SHF: variants seen among roughly 807,000 people sequenced by gnomAD.
SHF encodes the protein Src homology 2 domain containing F, also known as SH2 domain-containing adapter protein F.
Under a neutral mutation model 42.4 loss-of-function variants are expected in SHF, and 30 were observed. The observed-to-expected ratio is 0.71, with a 90% CI of 0.53 to 0.96. SHF has a LOEUF of 0.96. Ranked by LOEUF, SHF falls within the 40% of genes least tolerant of loss-of-function variation. The pLI is 0.00. For synonymous variants in SHF, 264 were observed against 269.9 expected, an observed-to-expected ratio of 0.98 and a Z score of 0.21; for missense variants, 598 against 634.0, an observed-to-expected ratio of 0.94 and a Z score of 0.61.
At chr15:45,198,764 C>T (rs1480448011) in intron 2 of SHF, 1 of 1,605,016 alleles carries the variant, frequency 6.2e-7, no homozygotes, top group East Asian at 2.2e-5. Context: ...ATTAAATGGC[C>T]TACTTACGGG....
chr15:45,172,104 G>C, intron 5 of SHF, 43 bp downstream of exon 5: 1 of 1,613,914 alleles, frequency 6.2e-7, no homozygotes, highest in Non-Finnish European at 8.5e-7. Flanking sequence ...TGCCAGGAGG[G>C]GAGGAGTGGG....
upstream of SHF, among the ~76,000 whole-genome samples, chr15:45,188,985 G>A (rs1595641975): frequency 6.6e-6 from 1 of 152,204 alleles, no homozygotes; most frequent in Non-Finnish European, 1.5e-5. Context: ...GAGGTCAGGA[G>A]ATCGAGACCA....
chr15:45,198,635 C>G lies in SHF; in HGVS notation c.303+137G>C, dbSNP rs551535377. On this transcript the variant is annotated intron_variant, in intron 2 of 7. Coordinates refer to the SHF transcript ENST00000290894. ...GTGACTCGGATTCGAACCGAGGTTG[C>G]TGCGGCCACAACGCAGAGTACTAAC... 1.5e-5 allele frequency: 17 copies of G among 1,112,656 alleles called. No homozygotes were observed. In the Admixed American group the frequency reaches 3.7e-4, roughly 24 times the overall value. 68.9% of individuals were successfully genotyped at this position (1,112,656 alleles called of 1,614,324 possible).
intron 2 of SHF, among the ~76,000 whole-genome samples, chr15:45,194,250 G>A (rs984567484): frequency 6.6e-6 from 1 of 151,666 alleles, no homozygotes; most frequent in African/African-American, 2.4e-5. Context: ...AATTCAACAT[G>A]ATATAATCCA....
At chr15:45,171,774 T>G in intron 6 of SHF, 109 bp downstream of exon 6, 2 of 1,185,296 alleles carry the variant, frequency 1.7e-6, no homozygotes, top group Non-Finnish European at 2.4e-6. Flanking sequence ...TGCCTGGGGA[T>G]TGTTCATGGG....
At chr15:45,185,923 G>A (rs1898371506) in intron 1 of SHF, among the ~76,000 whole-genome samples, 1 of 152,240 alleles carries the variant, frequency 6.6e-6, no homozygotes, top group Non-Finnish European at 1.5e-5. Context: ...AGAAGACATG[G>A]TCTGTGTCCT....
At chr15:45,196,493 A>T (rs1898866178) in intron 2 of SHF, among the ~76,000 whole-genome samples, 1 of 152,226 alleles carries the variant, frequency 6.6e-6, no homozygotes, top group Non-Finnish European at 1.5e-5. Context: ...GACTGGTTTC[A>T]GATGAGGCTA....
chr15:45,169,153 G>A (rs1897350158), intron 6 of SHF, among the ~76,000 whole-genome samples: 2 of 152,174 alleles, frequency 1.3e-5, no homozygotes, highest in Non-Finnish European at 2.9e-5. Flanking sequence ...GAACCAGTGA[G>A]GGAGCTGCCT....
In SHF at chr15:45,178,258, C is replaced by T; in HGVS notation, c.547G>A (p.Gly183Ser). The T allele has an allele frequency of 1.9e-6, 3 of 1,614,014 alleles. No individual in the cohort carries two copies. The highest frequency in any genetic ancestry group is 2.2e-5 in the South Asian group (2 of 91,086). The change falls in exon 2 of 7, where the codon GGC (glycine) becomes AGC (serine). Residue 183 changes from glycine (G) to serine (S), a missense_variant. Gly to Ser is a moderately conservative substitution (Grantham distance 56). Transcript: ENST00000690270. ...YADPFDVQET[G>S]EGSAGASGAP... ...CCTGAAGCTCCTGCTGAGCCTTCGC[C>T]AGTCTCCTGAACATCAAACGGGTCC... is the stretch of plus-strand genomic sequence containing the variant.
chr15:45,183,083 C>T (rs1380493184), intron 1 of SHF, among the ~76,000 whole-genome samples: 1 of 152,182 alleles, frequency 6.6e-6, no homozygotes, highest in Non-Finnish European at 1.5e-5. Context: ...AGAACACACC[C>T]CTCATTCCTT....
At chr15:45,173,525 C>A in intron 4 of SHF, 51 bp downstream of exon 4, 1 of 1,446,676 alleles carries the variant, frequency 6.9e-7, no homozygotes, top group Non-Finnish European at 9.1e-7. Context: ...ACCCACAGGG[C>A]CTGGAGGGGT....
intron 1 of SHF, chr15:45,200,181 A>G (rs759378557): frequency 6.5e-6 from 1 of 153,840 alleles, no homozygotes; most frequent in Non-Finnish European, 1.4e-5. Context: ...CTACTACAAC[A>G]CTTTTTAAAC....
At chr15:45,200,714 G>A (rs1899063658) in intron 1 of SHF, 1 of 456,064 alleles carries the variant, frequency 2.2e-6, no homozygotes, top group African/African-American at 2.0e-5. Context: ...GCTGCTCTTG[G>A]GGTTCCCCTT....
chr15:45,191,149 T>C (rs1359075658), upstream of SHF, among the ~76,000 whole-genome samples: 2 of 152,166 alleles, frequency 1.3e-5, no homozygotes, highest in African/African-American at 4.8e-5. Flanking sequence ...ACTGCAGCCT[T>C]GAACTTCTGG....
In SHF at chr15:45,187,631, G is replaced by A. The variant is rs980542674; in HGVS notation, c.321C>T (p.Asp107=). 20 of 1,229,576 alleles carry A rather than the reference G, an allele frequency of 1.6e-5. No homozygotes were observed. Among genetic ancestry groups the A allele is most frequent in the East Asian group, 3.2e-5 (1 of 31,592 alleles). The allele number at this position is 1,229,576 out of a possible 1,614,324, so 76.2% of individuals were successfully genotyped here. A position where few individuals can be genotyped will look rare whatever the true frequency, so the allele number is the denominator to read the frequency against. The stretch of plus-strand genomic sequence containing the variant: ...AGCCGGACGACCCCCCGGAGTAGGG[G>A]TCTTCGAAGTCGCGCTCCCGCTGCA... The part of the protein sequence containing the change: ...YRLQRERDFE[D]PYSGGSSGSA... The change falls in exon 1 of 7, where the codon GAC becomes GAT. Residue 107 remains aspartate, a synonymous_variant. Transcript: ENST00000690270.
chr15:45,172,998 C>G (rs889047180), intron 4 of SHF, among the ~76,000 whole-genome samples: 1 of 152,226 alleles, frequency 6.6e-6, no homozygotes, highest in Non-Finnish European at 1.5e-5. Flanking sequence ...CACGTACGGA[C>G]AGACACCCTC....
chr15:45,192,249 CT>C (rs1307123228), upstream of SHF, among the ~76,000 whole-genome samples: 1 of 129,958 alleles, frequency 7.7e-6, no homozygotes, highest in East Asian at 2.2e-4. Context: ...TAGTTTTTTT[CT>C]TTTTTTATTT....
intron 2 of SHF, among the ~76,000 whole-genome samples, chr15:45,177,732 CTT>C (rs1278089935): frequency 6.6e-6 from 1 of 152,194 alleles, no homozygotes; most frequent in Non-Finnish European, 1.5e-5. Context: ...AGATCTTACT[CTT>C]TTCTCTCTAG....
At chr15:45,182,600 T>A (rs984322924) in intron 1 of SHF, among the ~76,000 whole-genome samples, 1 of 152,224 alleles carries the variant, frequency 6.6e-6, no homozygotes, top group Non-Finnish European at 1.5e-5. Context: ...TATCATAGAT[T>A]TTTCAAACAT....
Sources: allele counts gnomAD v4.1 joint callset (sites outside exome capture counted in the v4.1 genomes callset), GRCh38; gene constraint gnomAD v4.1.1; transcripts MANE v1.5; gene names NCBI Gene and HGNC (gene_info 2026-07-23, HGNC 2026-07-21).